FBXW7: variants seen among roughly 807,000 people sequenced by gnomAD.
FBXW7 encodes F-box and WD repeat domain containing 7, also known as F-box/WD repeat-containing protein 7.
FBXW7 carries 11 observed loss-of-function variants against 86.3 expected under a neutral mutation model. The observed-to-expected ratio is 0.13, with a 90% CI of 0.08 to 0.21. The LOEUF (loss-of-function observed/expected upper bound fraction) is 0.21, where lower values mean the gene tolerates loss of function less well. Among genes scored for constraint, FBXW7 ranks in the 10% least tolerant of loss-of-function variants. The probability of loss-of-function intolerance (pLI) is 1.00; values close to 1 mark genes in which losing one functional copy is unlikely to be tolerated. For missense variants in FBXW7, 488 were observed against 847.4 expected, an observed-to-expected ratio of 0.58 and a Z score of 5.27; for synonymous variants, 313 against 297.9, an observed-to-expected ratio of 1.05 and a Z score of -0.52.
chr4:152,324,086 G>C (rs1172501012), intron 13 of FBXW7, 98 bp downstream of exon 13: 3 of 890,158 alleles, frequency 3.4e-6, no homozygotes, highest in Non-Finnish European at 5.3e-6. Context: ...TAACCATTCT[G>C]TATGAGGTTG....
intron 7 of FBXW7, among the ~76,000 whole-genome samples, chr4:152,334,011 G>A (rs545413024): frequency 5.9e-5 from 9 of 152,144 alleles, no homozygotes; most frequent in East Asian, 3.9e-4. Context: ...CCAAGATCAC[G>A]TCGTTGCACT....
At chr4:152,425,620 A>G (rs969711812) in intron 2 of FBXW7, among the ~76,000 whole-genome samples, 6 of 152,242 alleles carry the variant, frequency 3.9e-5, no homozygotes, top group Admixed American at 1.3e-4. Context: ...TTAGACAGAT[A>G]AATATAACCA....
intron 4 of FBXW7, among the ~76,000 whole-genome samples, chr4:152,363,667 T>C (rs1431158288): frequency 6.6e-6 from 1 of 152,190 alleles, no homozygotes; most frequent in African/African-American, 2.4e-5. Context: ...AAAAGATGTT[T>C]TCTTAAGAAT....
At chr4:152,419,613 G>A (rs1188544464) in intron 2 of FBXW7, among the ~76,000 whole-genome samples, 1 of 151,694 alleles carries the variant, frequency 6.6e-6, no homozygotes, top group Non-Finnish European at 1.5e-5. Flanking sequence ...TATCCTTTGT[G>A]AGTTGAAGAA....
chr4:152,516,003 A>G (rs1373887197), intron 2 of FBXW7, among the ~76,000 whole-genome samples: 1 of 152,182 alleles, frequency 6.6e-6, no homozygotes, highest in Non-Finnish European at 1.5e-5. Context: ...CAGGGACATC[A>G]GATCTACAAG....
intron 2 of FBXW7, among the ~76,000 whole-genome samples, chr4:152,469,029 C>T (rs889248145): frequency 1.3e-4 from 19 of 151,896 alleles, no homozygotes; most frequent in African/African-American, 4.3e-4. Flanking sequence ...CATTTAGGCA[C>T]CTACTGTAGT....
chr4:152,504,818 T>A (rs1424300798), intron 2 of FBXW7, among the ~76,000 whole-genome samples: 5 of 151,988 alleles, frequency 3.3e-5, no homozygotes, highest in African/African-American at 7.3e-5. Flanking sequence ...AAAATAACAA[T>A]TTTTTTTATA....
intron 2 of FBXW7, among the ~76,000 whole-genome samples, chr4:152,508,064 T>C: frequency 6.6e-6 from 1 of 150,954 alleles, no homozygotes; most frequent in East Asian, 1.9e-4. Context: ...AGCAGGACCC[T>C]GACTCAAAAA....
intron 6 of FBXW7, among the ~76,000 whole-genome samples, chr4:152,340,849 C>G (rs545943669): frequency 6.6e-6 from 1 of 152,178 alleles, no homozygotes; most frequent in Admixed American, 6.5e-5. Context: ...TGATCTTTCT[C>G]TCCAAATCTG....
At chr4:152,415,523 A>G (rs1172010816) in intron 2 of FBXW7, among the ~76,000 whole-genome samples, 2 of 152,148 alleles carry the variant, frequency 1.3e-5, no homozygotes, top group Non-Finnish European at 2.9e-5. Context: ...TTCATATATG[A>G]ACTTTCTATA....
In FBXW7 at chr4:152,455,495, G is replaced by A. The variant is rs531398097; in HGVS notation, c.-119-42966C>T. On this transcript the variant is annotated intron_variant, in intron 2 of 13. Transcript: ENST00000281708. ...TCTACTGTGCTCCTCACTTCCTTCT[G>A]GGGCATCACCAGCAGAGCCTTTAAC... Among the ~76,000 whole-genome samples the A allele has an allele frequency of 2.0e-5, 3 of 152,182 alleles. No individual in the cohort carries two copies. In the East Asian group the frequency reaches 5.8e-4, roughly 29 times the overall value.
chr4:152,410,521 A>G (rs1737847148), intron 4 of FBXW7, among the ~76,000 whole-genome samples: 1 of 151,426 alleles, frequency 6.6e-6, no homozygotes, highest in Non-Finnish European at 1.5e-5. Context: ...AGGGCCAAAC[A>G]CATTTTAGAA....
At chr4:152,532,528 T>C (rs1388195210) in intron 2 of FBXW7, among the ~76,000 whole-genome samples, 1 of 152,206 alleles carries the variant, frequency 6.6e-6, no homozygotes, top group Non-Finnish European at 1.5e-5. Flanking sequence ...TCAAACCAGC[T>C]TCGTAATTTT....
chr4:152,325,804 G>C, intron 12 of FBXW7: 1 of 520,318 alleles, frequency 1.9e-6, no homozygotes, highest in Non-Finnish European at 3.4e-6. Flanking sequence ...AGGAGAAATA[G>C]ATCACAGAAA....
intron 4 of FBXW7, among the ~76,000 whole-genome samples, chr4:152,388,277 G>A (rs1334711290): frequency 6.6e-6 from 1 of 152,042 alleles, no homozygotes; most frequent in East Asian, 1.9e-4. Flanking sequence ...GGCAACAAGG[G>A]CGGCCCCTAA....
At chr4:152,500,891 T>A (rs2149699774) in intron 2 of FBXW7, among the ~76,000 whole-genome samples, 1 of 152,346 alleles carries the variant, frequency 6.6e-6, no homozygotes, top group East Asian at 1.9e-4. Flanking sequence ...AACATAAGAT[T>A]TCTTCTATTT....
At chr4:152,334,227 G>T (rs1034781928) in intron 7 of FBXW7, among the ~76,000 whole-genome samples, 1 of 152,160 alleles carries the variant, frequency 6.6e-6, no homozygotes, top group African/African-American at 2.4e-5. Flanking sequence ...GAGAAGACCA[G>T]TATTATGTAG....
rs1177080100 is a variant in FBXW7 at position 152,434,968 on chromosome 4, CCA to C, written c.-119-22441_-119-22440del. Among the ~76,000 whole-genome samples, 644 of 150,712 alleles carry C rather than the reference CCA, an allele frequency of 4.3e-3. 6 individuals carry two copies. Among genetic ancestry groups the C allele is most frequent in the African/African-American group, 0.015 (611 of 40,914 alleles). On this transcript the variant is annotated intron_variant, in intron 2 of 13. Coordinates refer to ENST00000281708, the MANE Select transcript of FBXW7 (RefSeq NM_001349798.2). ...CTCCTTTCCCCCCGCTCCCCCCCCC[CCA>C]CACACAAGCTCTTCCTTTACATGTT...
At chr4:152,358,210 C>A (rs1195703753) in intron 4 of FBXW7, among the ~76,000 whole-genome samples, 2 of 152,034 alleles carry the variant, frequency 1.3e-5, no homozygotes, top group African/African-American at 2.4e-5. Flanking sequence ...AGTTTGACTT[C>A]AAGAAAAATG....
Sources: allele counts gnomAD v4.1 joint callset (sites outside exome capture counted in the v4.1 genomes callset), GRCh38; gene constraint gnomAD v4.1.1; transcripts MANE v1.5; gene names NCBI Gene and HGNC (gene_info 2026-07-23, HGNC 2026-07-21).